VPS13B: variants seen among roughly 807,000 people sequenced by gnomAD.
VPS13B encodes vacuolar protein sorting 13 homolog B.
A neutral mutation model predicts 426.4 loss-of-function variants in VPS13B; 285 were observed. That is an observed-to-expected ratio of 0.67 (90% CI 0.61 to 0.74). The LOEUF (loss-of-function observed/expected upper bound fraction) is 0.74. Among genes scored for constraint, VPS13B ranks in the 30% least tolerant of loss-of-function variants. The probability of loss-of-function intolerance (pLI) is 0.00; values close to 1 mark genes in which losing one functional copy is unlikely to be tolerated. For synonymous variants in VPS13B, 1,676 were observed against 1,676.4 expected, an observed-to-expected ratio of 1.00 and a Z score of 0.01; for missense variants, 4,537 against 4,782.6, an observed-to-expected ratio of 0.95 and a Z score of 1.51.
chr8:99,362,932 G>A (rs988825870), intron 19 of VPS13B, among the ~76,000 whole-genome samples: 8 of 152,164 alleles, frequency 5.3e-5, no homozygotes, highest in Non-Finnish European at 1.0e-4. Flanking sequence ...TGTCAGATGA[G>A]TAGTTTGCAA....
At chr8:99,121,854 T>TC (rs1847958849) in intron 8 of VPS13B, 1 of 154,290 alleles carries the variant, frequency 6.5e-6, no homozygotes, top group Non-Finnish European at 1.4e-5. Flanking sequence ...CTCTTTTTTT[T>TC]TTTTTTTTTT....
At chr8:99,399,618 C>T (rs1443463597) in intron 21 of VPS13B, among the ~76,000 whole-genome samples, 2 of 152,092 alleles carry the variant, frequency 1.3e-5, no homozygotes, top group Non-Finnish European at 1.5e-5. Context: ...CATCTCATGA[C>T]AATCTTTTAT....
At chr8:99,242,553 A>T (rs1160177702) in intron 17 of VPS13B, among the ~76,000 whole-genome samples, 1 of 152,184 alleles carries the variant, frequency 6.6e-6, no homozygotes, top group Non-Finnish European at 1.5e-5. Flanking sequence ...TAACTTTCTT[A>T]TTAGAAAATT....
At chr8:99,136,791 C>T (rs748809040) in intron 12 of VPS13B, 39 bp downstream of exon 12, 3 of 1,591,542 alleles carry the variant, frequency 1.9e-6, no homozygotes, top group Non-Finnish European at 1.7e-6. Flanking sequence ...ATTTCTTGAA[C>T]AACTGAAACA....
chr8:99,721,029 C>T lies in VPS13B; in HGVS notation c.7032C>T (p.Asp2344=), dbSNP rs2130343837. 1 of 1,613,902 alleles carries T rather than the reference C, an allele frequency of 6.2e-7. No homozygotes were observed. Among genetic ancestry groups the T allele is most frequent in the Non-Finnish European group, 8.5e-7 (1 of 1,179,900 alleles). Residue 2344 remains aspartate (D), a synonymous_variant, in exon 39 of 62, where the codon GAC becomes GAT. Transcript: ENST00000357162. The stretch of plus-strand genomic sequence containing the variant: ...AGGATCCAGATATTAGCACAGCAGA[C>T]CTTGGTGATGTGCTACAGGTATGTA... ...TTEDPDISTA[D]LGDVLQVPCS...
Position 99,135,051 on chromosome 8 carries a change from A to G in VPS13B, c.1339A>G (p.Ile447Val). 6.2e-7 allele frequency: 1 copy of G among 1,613,462 alleles called. No individual in the cohort carries two copies. The highest frequency in any genetic ancestry group is 8.5e-7 in the Non-Finnish European group (1 of 1,179,590). ...GGGAGAACCTTTCTTTGATTGCCAG[A>G]TTGGGTTTGTTGGTTGCAGAGCCAT... Reference protein sequence around the residue: ...MMGEPFFDCQIGFVGCRAMCL... With the variant: ...MMGEPFFDCQVGFVGCRAMCL... Residue 447 changes from isoleucine (I) to valine (V), a missense_variant, in exon 10 of 62, where the codon ATT becomes GTT. Physicochemically the swap from Ile to Val is conservative, Grantham distance 29. Coordinates refer to ENST00000357162, the MANE Select transcript of VPS13B (RefSeq NM_152564.5).
chr8:99,294,988 G>A (rs970750354), intron 19 of VPS13B, among the ~76,000 whole-genome samples: 25 of 152,122 alleles, frequency 1.6e-4, no homozygotes, highest in Admixed American at 6.6e-4. Flanking sequence ...TTTAGTTGAT[G>A]TGTTAAAAAT....
At chr8:99,028,689 C>T (rs1392302721) in intron 2 of VPS13B, among the ~76,000 whole-genome samples, 35 of 138,554 alleles carry the variant, frequency 2.5e-4, no homozygotes, top group Admixed American at 2.2e-3. Context: ...CCACCTCCCT[C>T]CCGGACGGGG....
intron 34 of VPS13B, among the ~76,000 whole-genome samples, chr8:99,658,039 A>G (rs1830084784): frequency 6.6e-6 from 1 of 152,182 alleles, no homozygotes; most frequent in South Asian, 2.1e-4. Context: ...CTGATTAAGA[A>G]TGAAGCTGAG....
At chr8:99,503,209 A>C in intron 27 of VPS13B, among the ~76,000 whole-genome samples, 1 of 152,234 alleles carries the variant, frequency 6.6e-6, no homozygotes, top group Non-Finnish European at 1.5e-5. Context: ...GTACAATAGC[A>C]TTATGTATTT....
intron 58 of VPS13B, among the ~76,000 whole-genome samples, chr8:99,866,420 C>G (rs1006904658): frequency 6.6e-6 from 1 of 152,222 alleles, no homozygotes; most frequent in East Asian, 1.9e-4. Context: ...GACAGGCCAG[C>G]TTTCCCCCTC....
chr8:99,478,830 G>GT (rs1177425426), intron 24 of VPS13B, among the ~76,000 whole-genome samples: 1 of 123,316 alleles, frequency 8.1e-6, no homozygotes, highest in Non-Finnish European at 1.7e-5. Flanking sequence ...TTGTTTTTGT[G>GT]TAAAAAAAAA....
At chr8:99,376,602 T>C (rs1337678062) in intron 19 of VPS13B, among the ~76,000 whole-genome samples, 1 of 152,158 alleles carries the variant, frequency 6.6e-6, no homozygotes, top group African/African-American at 2.4e-5. Flanking sequence ...TTTCTCTCTC[T>C]AAAATCTCAA....
At chr8:99,569,845 A>G (rs1218080843) in intron 31 of VPS13B, among the ~76,000 whole-genome samples, 1 of 152,142 alleles carries the variant, frequency 6.6e-6, no homozygotes. Context: ...GCCAACTCAC[A>G]TGATTATTTT....
intron 4 of VPS13B, among the ~76,000 whole-genome samples, chr8:99,100,900 C>T (rs1846697555): frequency 6.6e-6 from 1 of 151,792 alleles, no homozygotes. Flanking sequence ...AAAAATTAGC[C>T]TGACGTGGTG....
chr8:99,234,085 C>G lies in VPS13B; in HGVS notation c.2516-40113C>G. On this transcript the variant is annotated intron_variant, in intron 17 of 61. Coordinates refer to ENST00000357162, the MANE Select transcript of VPS13B (RefSeq NM_152564.5). The stretch of plus-strand genomic sequence containing the variant: ...ATCAGTCTGTCCGGCCTGAGAAGAG[C>G]CCCCAGGGCGTGACCTTGCTCCCGG... 6.4e-6 allele frequency: 5 copies of G among 783,900 alleles called. No individual in the cohort carries two copies. The South Asian group carries it at 6.8e-5, about 11-fold the overall frequency. The allele number at this position is 783,900 out of a possible 1,614,324, so 48.6% of individuals were successfully genotyped here. A position where few individuals can be genotyped will look rare whatever the true frequency, so the allele number is the denominator to read the frequency against.
intron 24 of VPS13B, among the ~76,000 whole-genome samples, chr8:99,481,252 A>C (rs1409367338): frequency 6.6e-6 from 1 of 152,236 alleles, no homozygotes. Context: ...AAATAATTAC[A>C]TTTACTAGAA....
chr8:99,252,719 T>C (rs1204919126), intron 17 of VPS13B, among the ~76,000 whole-genome samples: 1 of 152,160 alleles, frequency 6.6e-6, no homozygotes, highest in Non-Finnish European at 1.5e-5. Flanking sequence ...GGTTTATACA[T>C]ATTTCAAATT....
chr8:99,833,569 T>A (rs1447156942), intron 52 of VPS13B, among the ~76,000 whole-genome samples: 2 of 152,234 alleles, frequency 1.3e-5, no homozygotes, highest in African/African-American at 4.8e-5. Context: ...CACAAAATCC[T>A]TGATTTTACA....
Sources: gnomAD v4.1 joint callset for allele counts (sites outside exome capture counted in the v4.1 genomes callset) on GRCh38, gnomAD v4.1.1 for gene constraint, MANE v1.5 for transcripts, NCBI Gene and HGNC (gene_info 2026-07-23, HGNC 2026-07-21) for gene names.